ZNF316: variants seen among roughly 807,000 people sequenced by gnomAD.
ZNF316 encodes zinc finger protein 316.
ZNF316 carries 23 observed loss-of-function variants against 75.6 expected under a neutral mutation model. The observed-to-expected ratio is 0.30, with a 90% CI of 0.22 to 0.43. ZNF316 has a LOEUF of 0.43. ZNF316 is among the 20% of genes least tolerant of loss of function. ZNF316 has a pLI of 1.00. For missense variants in ZNF316, 1,266 were observed against 1,409.4 expected (o/e 0.90, Z 1.63); for synonymous variants, 827 against 666.2 (o/e 1.24, Z -3.72).
Position 6,657,944 on chromosome 7 carries a change from A to G in ZNF316, c.*3333A>G, listed in dbSNP as rs948939944. ...GGAGAAAAATACCCTCCCCCATCCA[A>G]TGGTCATAGGAAAAAAAGTAGACAC... is the stretch of plus-strand genomic sequence containing the variant. On this transcript the variant is annotated 3_prime_UTR_variant, in exon 9 of 9. Transcript: ENST00000382252. Among the ~76,000 whole-genome samples the G allele has an allele frequency of 6.6e-6, 1 of 151,970 alleles. No individual in the cohort carries two copies. Among genetic ancestry groups the G allele is most frequent in the Non-Finnish European group, 1.5e-5 (1 of 67,986 alleles).
Position 6,653,654 on chromosome 7 carries a change from G to A in ZNF316, c.2058G>A (p.Glu686=). 6.5e-6 allele frequency: 7 copies of A among 1,072,064 alleles called. No homozygotes were observed. Among genetic ancestry groups the A allele is most frequent in the Non-Finnish European group, 7.9e-6 (7 of 884,200 alleles). 66.4% of individuals were successfully genotyped at this position (1,072,064 alleles called of 1,614,324 possible). The part of the protein sequence containing the change: ...LAEPAPAALA[E]EESPWICSDC... ...AGCCCGCGCCGGCCGCGCTGGCGGA[G>A]GAGGAGAGCCCGTGGATCTGCTCGG... The change falls in exon 9 of 9, where the codon GAG becomes GAA. Residue 686 remains glutamate (E), a synonymous_variant. Coordinates refer to ENST00000382252, the MANE Select transcript of ZNF316 (RefSeq NM_001278559.2).
intron 8 of ZNF316, among the ~76,000 whole-genome samples, chr7:6,646,842 A>C (rs774769891): frequency 6.6e-6 from 1 of 152,110 alleles, no homozygotes; most frequent in Non-Finnish European, 1.5e-5. Flanking sequence ...GCAAGAGCCA[A>C]GTATGTCCCT....
chr7:6,642,482 G>C lies in ZNF316; in HGVS notation c.73G>C (p.Asp25His). 2 of 1,233,478 alleles carry C rather than the reference G, an allele frequency of 1.6e-6. No individual in the cohort carries two copies. Among genetic ancestry groups the C allele is most frequent in the Non-Finnish European group, 2.0e-6 (2 of 988,674 alleles). The allele number at this position is 1,233,478 out of a possible 1,614,324, so 76.4% of individuals were successfully genotyped here. ...LERAEDGSEC[D>H]PDQEEEEEEE... is the part of the protein sequence containing the mutation. Reference sequence around the variant, plus strand: ...GCGGGCAGAGGACGGGTCAGAGTGCGACCCTGACCAGGAAGAAGAGGAGGA... The same window carrying C: ...GCGGGCAGAGGACGGGTCAGAGTGCCACCCTGACCAGGAAGAAGAGGAGGA... Residue 25 changes from aspartate (D) to histidine (H), a missense_variant, in exon 5 of 9, where the codon GAC becomes CAC. Asp to His is a moderately conservative substitution (Grantham distance 81, BLOSUM62 -1). Around this residue, in one of 3 missense-constraint regions of ZNF316, gnomAD observed 961 missense variants for 990.9 expected, o/e 0.97. Coordinates refer to ENST00000382252, the MANE Select transcript of ZNF316 (RefSeq NM_001278559.2). This position sits in a 1 kb window ranked among gnomAD's most constrained non-coding sequence, Gnocchi z 8.1.
In ZNF316 at chr7:6,642,852, G is replaced by T. The variant is rs1779335029; in HGVS notation, c.355+88G>T. 3 of 1,218,924 alleles carry T rather than the reference G, an allele frequency of 2.5e-6. No homozygotes were observed. Among genetic ancestry groups the T allele is most frequent in the Non-Finnish European group, 3.1e-6 (3 of 979,618 alleles). The allele number at this position is 1,218,924 out of a possible 1,614,324, so 75.5% of individuals were successfully genotyped here. A position where few individuals can be genotyped will look rare whatever the true frequency, so the allele number is the denominator to read the frequency against. On this transcript the variant is annotated intron_variant, in intron 5 of 8. Coordinates refer to ENST00000382252, the MANE Select transcript of ZNF316 (RefSeq NM_001278559.2). The surrounding 1 kb of genome is among the most constrained non-coding windows in gnomAD (Gnocchi z 8.1). Reference sequence around the variant, plus strand: ...CCTGGTCAAGCCAGGAGGGCTCTTGGGCCGACAGGGTGGAGCTGAAACCCA... The same window carrying T: ...CCTGGTCAAGCCAGGAGGGCTCTTGTGCCGACAGGGTGGAGCTGAAACCCA...
chr7:6,653,378 C>G lies in ZNF316; in HGVS notation c.1782C>G (p.His594Gln), dbSNP rs543783463. The G allele has an allele frequency of 6.4e-5, 79 of 1,226,584 alleles. No homozygotes were observed. The South Asian group carries it at 2.7e-3, about 42-fold the overall frequency. 76.0% of individuals were successfully genotyped at this position (1,226,584 alleles called of 1,614,324 possible). Residue 594 changes from histidine to glutamine, a missense_variant, in exon 9 of 9, where the codon CAC (histidine) becomes CAG (glutamine). Transcript: ENST00000382252. Reference sequence around the variant, plus strand: ...GGGAGGGCGAAGGCCCCTCCTCCCACCCGCTGGGCTTCCACTTCCCCGTGC... The same window carrying G: ...GGGAGGGCGAAGGCCCCTCCTCCCAGCCGCTGGGCTTCCACTTCCCCGTGC... ...GLGEGEGPSSHPLGFHFPVHP... is the reference protein window; with the variant it reads ...GLGEGEGPSSQPLGFHFPVHP...
At chr7:6,644,436 G>T (rs556896954) in intron 7 of ZNF316, 44 bp from the exon 8 acceptor site, 18 of 1,105,990 alleles carry the variant, frequency 1.6e-5, no homozygotes, top group African/African-American at 1.6e-4. Context: ...GGCAGGGGAG[G>T]GCCCACGGGA....
rs1779573545 is a variant in ZNF316 at position 6,654,240 on chromosome 7, A to T, written c.2644A>T (p.Thr882Ser). ...CCTGGCCAAGCACCGGCGCGGCCAC[A>T]CGGGCGAACGCCCCTTCCCGTGCCC... The part of the protein sequence containing the change: ...SNLAKHRRGH[T>S]GERPFPCPEC... The change falls in exon 9 of 9, where the codon ACG becomes TCG. Residue 882 changes from threonine to serine, a missense_variant. By Grantham distance (58) the Thr-to-Ser change is moderately conservative. Coordinates refer to ENST00000382252, the MANE Select transcript of ZNF316 (RefSeq NM_001278559.2). The T allele has an allele frequency of 8.2e-7, 1 of 1,222,262 alleles. No homozygotes were observed. Among genetic ancestry groups the T allele is most frequent in the African/African-American group, 1.6e-5 (1 of 63,616 alleles). 75.7% of individuals were successfully genotyped at this position (1,222,262 alleles called of 1,614,324 possible).
chr7:6,641,054 G>A (rs1779304096), intron 3 of ZNF316, among the ~76,000 whole-genome samples: 1 of 152,254 alleles, frequency 6.6e-6, no homozygotes, highest in African/African-American at 2.4e-5. Flanking sequence ...CTAATTGATA[G>A]AGAAGTGATG....
intron 2 of ZNF316, among the ~76,000 whole-genome samples, chr7:6,638,751 A>G (rs1035165845): frequency 3.9e-5 from 6 of 152,008 alleles, no homozygotes; most frequent in Non-Finnish European, 8.8e-5. Context: ...AGGGTTTGGG[A>G]TGACGTTGGT....
chr7:6,642,429 C>G lies in ZNF316; in HGVS notation c.20C>G (p.Thr7Ser), dbSNP rs1779326778. Residue 7 changes from threonine (T) to serine (S), a missense_variant, in exon 5 of 9, where the codon ACT becomes AGT. By Grantham distance (58) the Thr-to-Ser change is moderately conservative. Transcript: ENST00000382252. The surrounding 1 kb of genome is among the most constrained non-coding windows in gnomAD (Gnocchi z 8.1). MAALHT[T>S]PDSPAAQLER... ...GGGAGGATGGCGGCGCTCCACACGACTCCCGACTCCCCAGCTGCCCAGCTG... is the reference window on the plus strand; with the variant it reads ...GGGAGGATGGCGGCGCTCCACACGAGTCCCGACTCCCCAGCTGCCCAGCTG... The G allele has an allele frequency of 8.1e-7, 1 of 1,232,050 alleles. No individual in the cohort carries two copies. The highest frequency in any genetic ancestry group is 4.2e-5 in the Admixed American group (1 of 23,696). 76.3% of individuals were successfully genotyped at this position (1,232,050 alleles called of 1,614,324 possible).
At chr7:6,646,056 TG>T (rs1156987599) in intron 8 of ZNF316, among the ~76,000 whole-genome samples, 5 of 148,622 alleles carry the variant, frequency 3.4e-5, no homozygotes, top group Non-Finnish European at 5.9e-5. Context: ...GAGAACAGCA[TG>T]GGGGGAAACG....
Position 6,656,837 on chromosome 7 carries a change from G to A in ZNF316, c.*2226G>A, listed in dbSNP as rs928211410. Among the ~76,000 whole-genome samples the A allele has an allele frequency of 7.1e-6, 1 of 140,160 alleles. No homozygotes were observed. The highest frequency in any genetic ancestry group is 1.5e-5 in the Non-Finnish European group (1 of 65,646). 92.0% of individuals were successfully genotyped at this position (140,160 alleles called of 152,430 possible). On this transcript the variant is annotated 3_prime_UTR_variant, in exon 9 of 9. Transcript: ENST00000382252. ...CCAGGGCTCACCTACTCCAGTACCA[G>A]GGCAAGGTGTACAGCCCCAGGACCC...
rs1469434905 is a variant in ZNF316, at chr7:6,639,302, T to C, written c.-167+161T>C. On this transcript the variant is annotated intron_variant, in intron 3 of 8. Transcript: ENST00000382252. This position sits in a 1 kb window ranked among gnomAD's most constrained non-coding sequence, Gnocchi z 4.2. The stretch of plus-strand genomic sequence containing the variant: ...ATTCTTTTAGTAAGTATTTGAATGC[T>C]TCTTAAGTGCTGGTGTGAGGGGTAT... 6.6e-6 allele frequency among the ~76,000 whole-genome samples: 1 copy of C among 152,212 alleles called. No individual in the cohort carries two copies. Among genetic ancestry groups the C allele is most frequent in the Non-Finnish European group, 1.5e-5 (1 of 68,042 alleles).
chr7:6,653,263 G>T lies in ZNF316; in HGVS notation c.1667G>T (p.Arg556Ile). 1 of 1,227,830 alleles carries T rather than the reference G, an allele frequency of 8.1e-7. No homozygotes were observed. Among genetic ancestry groups the T allele is most frequent in the East Asian group, 3.2e-5 (1 of 31,460 alleles). 76.1% of individuals were successfully genotyped at this position (1,227,830 alleles called of 1,614,324 possible). The change falls in exon 9 of 9, where the codon AGA becomes ATA. Residue 556 changes from arginine (R) to isoleucine (I), a missense_variant. By Grantham distance (97) the Arg-to-Ile change is moderately conservative. Transcript: ENST00000382252. ...GAGGCGGAGGCCGCGGCCGAGGAGA[G>T]AGAGGAGGCGGCGGTGGCGGCGCCC... ...DGEAEAAAEE[R>I]EEAAVAAPTP...
At chr7:6,647,734 C>T (rs1397510743) in intron 8 of ZNF316, among the ~76,000 whole-genome samples, 1 of 152,190 alleles carries the variant, frequency 6.6e-6, no homozygotes, top group Non-Finnish European at 1.5e-5. Context: ...AGAGGTTGCC[C>T]AGGAGTGGGA....
At chr7:6,638,946 A>C (rs1779267013) in intron 2 of ZNF316, 96 bp from the exon 3 acceptor site, 1 of 152,380 alleles carries the variant, frequency 6.6e-6, no homozygotes, top group Admixed American at 6.5e-5. Context: ...GCTGGAATCT[A>C]AACTCTGCCC....
In ZNF316 at chr7:6,642,697, G is replaced by A. The variant is rs1779332193; in HGVS notation, c.288G>A (p.Pro96=). Residue 96 remains proline, a synonymous_variant, in exon 5 of 9, where the codon CCG becomes CCA. Transcript: ENST00000382252. The surrounding 1 kb of genome is among the most constrained non-coding windows in gnomAD (Gnocchi z 8.1). The part of the protein sequence containing the change: ...VKEVLAEEEC[P]ALGTQERLSR... ...AGGTGCTGGCAGAGGAGGAGTGTCCGGCGTTGGGGACCCAGGAGCGACTTA... is the reference window on the plus strand; with the variant it reads ...AGGTGCTGGCAGAGGAGGAGTGTCCAGCGTTGGGGACCCAGGAGCGACTTA... 9 of 1,234,766 alleles carry A rather than the reference G, an allele frequency of 7.3e-6. No homozygotes were observed. Among genetic ancestry groups the A allele is most frequent in the East Asian group, 3.1e-5 (1 of 31,760 alleles). 76.5% of individuals were successfully genotyped at this position (1,234,766 alleles called of 1,614,324 possible). A position where few individuals can be genotyped will look rare whatever the true frequency, so the allele number is the denominator to read the frequency against.
intron 8 of ZNF316, among the ~76,000 whole-genome samples, chr7:6,651,161 C>T (rs1385303833): frequency 6.6e-6 from 1 of 151,606 alleles, no homozygotes; most frequent in South Asian, 2.1e-4. Context: ...ACTAGCCTGA[C>T]CAACACTGAG....
At position 6,653,693 on chromosome 7, in the gene ZNF316, G is replaced by T. The variant is rs939819843; in HGVS notation, c.2097G>T (p.Thr699=). 255 of 1,087,462 alleles carry T rather than the reference G, an allele frequency of 2.3e-4. 2 individuals are homozygous for T. The highest frequency in any genetic ancestry group is 1.7e-3 in the South Asian group (38 of 23,006). The allele number at this position is 1,087,462 out of a possible 1,614,324, so 67.4% of individuals were successfully genotyped here. The change falls in exon 9 of 9, where the codon ACG becomes ACT. Residue 699 remains threonine (T), a synonymous_variant. Coordinates refer to ENST00000382252, the MANE Select transcript of ZNF316 (RefSeq NM_001278559.2). ...GGATCTGCTCGGACTGCGGCAAGAC[G>T]TTTGGGCGCCGGGCCGCGCTGGCCA... The part of the protein sequence containing the change: ...SPWICSDCGK[T]FGRRAALAKH...
Sources: allele counts gnomAD v4.1 joint callset (sites outside exome capture counted in the v4.1 genomes callset), GRCh38; gene constraint gnomAD v4.1.1; regional missense constraint gnomAD v4.1.1; non-coding constraint Gnocchi (gnomAD v3.1); transcripts MANE v1.5; gene names NCBI Gene and HGNC (gene_info 2026-07-23, HGNC 2026-07-21).